LIMS4: variants seen among roughly 807,000 people sequenced by gnomAD.
LIMS4 encodes LIM zinc finger domain containing 4, also known as LIM and senescent cell antigen-like-containing domain protein 4.
At chr2:110,385,108 G>A in the LIMS4 span, among the ~76,000 whole-genome samples, 24 of 129,500 alleles carry the variant, frequency 1.9e-4, no homozygotes, top group South Asian at 5.2e-4. Context: ...TATGGGGGCT[G>A]GTCCTCGGGA....
At chr2:110,382,516 C>T in the LIMS4 span, among the ~76,000 whole-genome samples, 62 of 27,714 alleles carry the variant, frequency 2.2e-3, no homozygotes, top group Non-Finnish European at 3.5e-3. Context: ...AATTGCACTC[C>T]TAGATCTGGA....
chr2:110,425,110 T>C, the LIMS4 span, among the ~76,000 whole-genome samples: 2 of 142,266 alleles, frequency 1.4e-5, 1 homozygote, highest in East Asian at 4.0e-4. Context: ...GCAAGGTCCA[T>C]GGCTTCATTC....
chr2:110,372,031 C>T, the LIMS4 span, among the ~76,000 whole-genome samples: 165 of 151,786 alleles, frequency 1.1e-3, no homozygotes, highest in East Asian at 1.3e-3. Context: ...GGTGATCCCC[C>T]GAGAGAGTGG....
chr2:110,379,033 T>C, the LIMS4 span, among the ~76,000 whole-genome samples: 2 of 148,520 alleles, frequency 1.3e-5, no homozygotes, highest in Non-Finnish European at 2.9e-5. Context: ...GGAGAATATA[T>C]GTGGGAATGG....
chr2:110,395,903 CA>C, the LIMS4 span, among the ~76,000 whole-genome samples: 567 of 138,380 alleles, frequency 4.1e-3, 25 homozygotes, highest in Non-Finnish European at 6.5e-3. Context: ...CTGCCATGGG[CA>C]AAGAGCTATA....
chr2:110,360,598 G>A, the LIMS4 span: 56 of 1,004,542 alleles, frequency 5.6e-5, 1 homozygote, highest in South Asian at 2.6e-4. Flanking sequence ...CTCATGGAGC[G>A]TCTGTGGCTA....
chr2:110,382,126 TATATATATATATATATATATATATAC>T, the LIMS4 span, among the ~76,000 whole-genome samples: 1 of 99,558 alleles, frequency 1.0e-5, no homozygotes, highest in African/African-American at 5.2e-5. Flanking sequence ...TATATATATA[TATATATATATATATATATATATATAC>T]ATGTTTGAAC....
At chr2:110,448,778 TC>T (rs1324918309) in intron 8 of LIMS4, among the ~76,000 whole-genome samples, 1 of 138,522 alleles carries the variant, frequency 7.2e-6, no homozygotes, top group African/African-American at 2.7e-5. Context: ...ATATTTTTGA[TC>T]CATAGTTGGT....
At chr2:110,373,790 C>A in the LIMS4 span, among the ~76,000 whole-genome samples, 3 of 148,816 alleles carry the variant, frequency 2.0e-5, no homozygotes, top group Non-Finnish European at 4.4e-5. Context: ...TGATGTCTAC[C>A]TTCCTGGCCT....
chr2:110,367,754 G>A, the LIMS4 span, among the ~76,000 whole-genome samples: 3 of 145,654 alleles, frequency 2.1e-5, no homozygotes, highest in Non-Finnish European at 4.4e-5. Flanking sequence ...GGTGGCACAC[G>A]TGCCTGTGGT....
chr2:110,448,584 G>A (rs1488698433), intron 8 of LIMS4, among the ~76,000 whole-genome samples: 1 of 152,192 alleles, frequency 6.6e-6, no homozygotes, highest in East Asian at 1.9e-4. Context: ...CTTGACCTCA[G>A]TTGATCTGCC....
chr2:110,390,818 G>A, the LIMS4 span, among the ~76,000 whole-genome samples: 9 of 152,326 alleles, frequency 5.9e-5, no homozygotes, highest in African/African-American at 2.2e-4. Flanking sequence ...GATATGGTAT[G>A]GTCCCTGCCC....
chr2:110,456,437 AG>A, intron 3 of LIMS4, among the ~76,000 whole-genome samples: 1 of 149,216 alleles, frequency 6.7e-6, no homozygotes, highest in Non-Finnish European at 1.5e-5. Flanking sequence ...AAGTAGGTAA[AG>A]GTTGTGTTAA....
the LIMS4 span, among the ~76,000 whole-genome samples, chr2:110,391,235 C>A: frequency 6.7e-6 from 1 of 148,440 alleles, no homozygotes; most frequent in East Asian, 2.0e-4. Context: ...CTGCCCCACC[C>A]GTAACCGCCC....
chr2:110,396,156 C>T, the LIMS4 span, among the ~76,000 whole-genome samples: 1 of 104,128 alleles, frequency 9.6e-6, no homozygotes, highest in Non-Finnish European at 1.9e-5. Flanking sequence ...CGTCCGTTTA[C>T]TGTCACTTTG....
At chr2:110,368,987 G>A in the LIMS4 span, among the ~76,000 whole-genome samples, 1 of 109,044 alleles carries the variant, frequency 9.2e-6, no homozygotes, top group Admixed American at 1.0e-4. Flanking sequence ...CAAGCACAGC[G>A]ACCCACCAGG....
chr2:110,371,237 GA>G, the LIMS4 span, among the ~76,000 whole-genome samples: 6,761 of 83,630 alleles, frequency 0.081, 183 homozygotes, highest in Middle Eastern at 0.12. Context: ...CTATTAATGA[GA>G]AAAAAAAAAA....
At chr2:110,426,814 C>A in the LIMS4 span, among the ~76,000 whole-genome samples, 1 of 135,844 alleles carries the variant, frequency 7.4e-6, no homozygotes. Flanking sequence ...TGTGCAATAT[C>A]TATTTCATGT....
the LIMS4 span, chr2:110,361,897 G>A: frequency 2.0e-5 from 28 of 1,403,458 alleles, 1 homozygote; most frequent in Admixed American, 6.8e-5. Context: ...ACTTGTAGAA[G>A]ACTTCACAGT....
Sources: gnomAD v4.1 joint callset for allele counts (sites outside exome capture counted in the v4.1 genomes callset) on GRCh38, gnomAD v4.1.1 for gene constraint, MANE v1.5 for transcripts, NCBI Gene and HGNC (gene_info 2026-07-23, HGNC 2026-07-21) for gene names.